MEF2C: variants seen among roughly 807,000 people sequenced by gnomAD.
MEF2C encodes the protein myocyte-specific enhancer factor 2C.
In MEF2C, 6 loss-of-function variants were observed where a neutral mutation model predicts 50.5. The observed-to-expected ratio is 0.12, with a 90% CI of 0.07 to 0.23. The LOEUF is 0.23. Among genes scored for constraint, MEF2C ranks in the 10% least tolerant of loss-of-function variants. MEF2C has a pLI of 1.00. For synonymous variants in MEF2C, 183 were observed against 228.0 expected, an observed-to-expected ratio of 0.80 and a Z score of 1.78; for missense variants, 276 against 605.0, an observed-to-expected ratio of 0.46 and a Z score of 5.70.
intron 10 of MEF2C, among the ~76,000 whole-genome samples, chr5:88,728,135 T>C (rs996501955): frequency 9.9e-5 from 15 of 152,054 alleles, no homozygotes; most frequent in African/African-American, 3.6e-4. Flanking sequence ...ATATGGTTTA[T>C]GTGAAAAAAG....
chr5:88,746,037 T>A (rs7718514), intron 6 of MEF2C, among the ~76,000 whole-genome samples: 16,032 of 152,200 alleles, frequency 0.11, 986 homozygotes, highest in Non-Finnish European at 0.14. Context: ...GGGTTCTTGA[T>A]AGCAGTGGCA....
chr5:88,836,022 T>TA (rs1177622490), intron 1 of MEF2C, among the ~76,000 whole-genome samples: 1 of 152,080 alleles, frequency 6.6e-6, no homozygotes, highest in Non-Finnish European at 1.5e-5. Context: ...GAGGAAGTTA[T>TA]AAATAGATTT....
chr5:88,731,916 CAATA>C lies in MEF2C; in HGVS notation c.638-19_638-16del. ...ATACCCGTTCCCTGTTAACAAAAAA[CAATA>C]AAGCATTTAGGAAGAAATCTAGGTC... On this transcript the variant is annotated splice_polypyrimidine_tract_variant and intron_variant, in intron 6 of 10. Coordinates refer to ENST00000504921, the MANE Select transcript of MEF2C (RefSeq NM_002397.5). The C allele has an allele frequency of 6.3e-7, 1 of 1,599,532 alleles. No individual in the cohort carries two copies. The highest frequency in any genetic ancestry group is 1.1e-5 in the South Asian group (1 of 89,150).
chr5:88,766,193 G>A (rs931151325), intron 3 of MEF2C, among the ~76,000 whole-genome samples: 4 of 152,004 alleles, frequency 2.6e-5, no homozygotes, highest in Non-Finnish European at 5.9e-5. Context: ...GATGATGATA[G>A]GTGACAGGTG....
At chr5:88,789,141 A>T (rs1355218850) in intron 3 of MEF2C, among the ~76,000 whole-genome samples, 1 of 151,914 alleles carries the variant, frequency 6.6e-6, no homozygotes, top group Admixed American at 6.6e-5. Context: ...AGTTACTATT[A>T]TTAATTCATA....
intron 3 of MEF2C, among the ~76,000 whole-genome samples, chr5:88,802,048 T>C (rs561328447): frequency 1.3e-5 from 2 of 152,202 alleles, no homozygotes; most frequent in African/African-American, 2.4e-5. Context: ...TAGACTTACA[T>C]GTTATGTTCA....
At chr5:88,738,656 G>A (rs936025168) in intron 6 of MEF2C, 2 of 985,152 alleles carry the variant, frequency 2.0e-6, no homozygotes, top group Non-Finnish European at 2.4e-6. Flanking sequence ...TTTCTATGTC[G>A]AGTCTCATTT....
chr5:88,893,546 A>G (rs1462782220), intron 1 of MEF2C, among the ~76,000 whole-genome samples: 1 of 151,938 alleles, frequency 6.6e-6, no homozygotes, highest in East Asian at 1.9e-4. Flanking sequence ...TTTTTAAATG[A>G]CTATGTTCTA....
chr5:88,774,166 T>A (rs535134196), intron 3 of MEF2C, among the ~76,000 whole-genome samples: 1 of 151,734 alleles, frequency 6.6e-6, no homozygotes, highest in Non-Finnish European at 1.5e-5. Flanking sequence ...GACCTGGAGG[T>A]AGAAGTTGTT....
chr5:88,776,468 A>G (rs1784799467), intron 3 of MEF2C, among the ~76,000 whole-genome samples: 2 of 152,112 alleles, frequency 1.3e-5, no homozygotes, highest in Admixed American at 1.3e-4. Flanking sequence ...GTACCCTTTG[A>G]TCAACAACTC....
chr5:88,819,373 A>G (rs1807147029), intron 2 of MEF2C: 1 of 985,078 alleles, frequency 1.0e-6, no homozygotes, highest in Admixed American at 6.2e-5. Flanking sequence ...GTTATTTAGA[A>G]CTTAACAGGA....
intron 2 of MEF2C, among the ~76,000 whole-genome samples, chr5:88,813,567 G>A (rs1803872813): frequency 6.6e-6 from 1 of 151,944 alleles, no homozygotes; most frequent in Admixed American, 6.6e-5. Flanking sequence ...GAAAGAAAAG[G>A]ACCTTTAGAA....
At chr5:88,843,487 A>G in intron 1 of MEF2C, 1 of 984,782 alleles carries the variant, frequency 1.0e-6, no homozygotes, top group Non-Finnish European at 1.2e-6. Context: ...ATGTTACACA[A>G]TTACATTTAA....
chr5:88,731,626 T>G (rs1761686789), intron 7 of MEF2C, 103 bp downstream of exon 7: 4 of 1,064,708 alleles, frequency 3.8e-6, no homozygotes, highest in Non-Finnish European at 5.6e-6. Flanking sequence ...ATGTTAATTT[T>G]CTGGGAGAAT....
At chr5:88,844,659 A>G (rs780871320) in intron 1 of MEF2C, 131 of 697,924 alleles carry the variant, frequency 1.9e-4, no homozygotes, top group Non-Finnish European at 2.2e-4. Context: ...GATTCAAATT[A>G]TATTTCTTAA....
At chr5:88,748,954 T>C in intron 6 of MEF2C, 116 bp downstream of exon 6, 3 of 1,528,338 alleles carry the variant, frequency 2.0e-6, no homozygotes, top group Non-Finnish European at 2.6e-6. Flanking sequence ...GTGTCATTTT[T>C]CCATGCCTCT....
At position 88,876,063 on chromosome 5, in the gene MEF2C, G is replaced by GT. The variant is rs33921751; in HGVS notation, c.-143+6891dup. ...AAGAGCTGAAACTGTAGTAACTGGAGTTTTTTTTTTTTTTTTTTTTCCTTT... is the reference window on the plus strand; with the variant it reads ...AAGAGCTGAAACTGTAGTAACTGGAGTTTTTTTTTTTTTTTTTTTTTCCTTT... On this transcript the variant is annotated intron_variant, in intron 1 of 10. Transcript: ENST00000504921. Among the ~76,000 whole-genome samples, 423 of 122,566 alleles carry GT rather than the reference G, an allele frequency of 3.5e-3. 2 individuals carry two copies. Among genetic ancestry groups the GT allele is most frequent in the East Asian group, 0.011 (45 of 4,018 alleles). The allele number at this position is 122,566 out of a possible 152,430, so 80.4% of individuals were successfully genotyped here. A position where few individuals can be genotyped will look rare whatever the true frequency, so the allele number is the denominator to read the frequency against.
At chr5:88,865,420 T>C (rs1027710926) in intron 1 of MEF2C, among the ~76,000 whole-genome samples, 3 of 152,182 alleles carry the variant, frequency 2.0e-5, no homozygotes, top group Admixed American at 2.0e-4. Context: ...GCTTTTGAAG[T>C]GCAGTATTAG....
chr5:88,864,319 TTA>T (rs1261232972), intron 1 of MEF2C, among the ~76,000 whole-genome samples: 5 of 151,640 alleles, frequency 3.3e-5, no homozygotes, highest in Non-Finnish European at 5.9e-5. Context: ...TATACAGTTA[TTA>T]TATGTTATTT....
Sources: allele counts gnomAD v4.1 joint callset (sites outside exome capture counted in the v4.1 genomes callset), GRCh38; gene constraint gnomAD v4.1.1; transcripts MANE v1.5; gene names NCBI Gene and HGNC (gene_info 2026-07-23, HGNC 2026-07-21).